PRSS23: variants seen among roughly 807,000 people sequenced by gnomAD.
PRSS23 encodes serine protease 23.
PRSS23 carries 25 observed loss-of-function variants against 34.7 expected under a neutral mutation model. The ratio of observed to expected loss-of-function variants is 0.72; its 90% CI spans 0.53 to 1.01. PRSS23 has a LOEUF of 1.01. Ranked by LOEUF, PRSS23 falls within the 50% of genes least tolerant of loss-of-function variation. The probability of loss-of-function intolerance (pLI) is 0.00; values close to 1 mark genes in which losing one functional copy is unlikely to be tolerated. For missense variants in PRSS23, 445 were observed against 475.6 expected (o/e 0.94, Z 0.60); for synonymous variants, 176 against 186.6 (o/e 0.94, Z 0.46).
chr11:86,914,776 G>C (rs1049226714), intron 2 of PRSS23, among the ~76,000 whole-genome samples: 5 of 152,212 alleles, frequency 3.3e-5, no homozygotes, highest in Non-Finnish European at 7.3e-5. Flanking sequence ...ATCTGAGTGG[G>C]TGTCAATTAA....
chr11:86,806,384 C>T (rs904554246), intron 1 of PRSS23, among the ~76,000 whole-genome samples: 1 of 152,160 alleles, frequency 6.6e-6, no homozygotes, highest in African/African-American at 2.4e-5. Flanking sequence ...TGGAAAATTT[C>T]TAGGCAATTT....
chr11:86,791,829 C>T (rs1429989549), intron 1 of PRSS23, among the ~76,000 whole-genome samples: 1 of 152,144 alleles, frequency 6.6e-6, no homozygotes, highest in African/African-American at 2.4e-5. Flanking sequence ...CTCAGAGGGC[C>T]TATGCTGCCA....
intron 2 of PRSS23, among the ~76,000 whole-genome samples, chr11:86,852,910 G>C (rs530078608): frequency 1.3e-5 from 2 of 152,336 alleles, no homozygotes; most frequent in African/African-American, 4.8e-5. Flanking sequence ...CTGGAGTGCA[G>C]TGGCATGATC....
At chr11:86,942,814 A>T (rs1949215014) in intron 2 of PRSS23, among the ~76,000 whole-genome samples, 1 of 152,224 alleles carries the variant, frequency 6.6e-6, no homozygotes, top group South Asian at 2.1e-4. Flanking sequence ...GGTCCAACAC[A>T]TCTTCAAGAT....
At chr11:86,867,888 A>C (rs113147874) in intron 2 of PRSS23, among the ~76,000 whole-genome samples, 5 of 151,714 alleles carry the variant, frequency 3.3e-5, no homozygotes, top group African/African-American at 1.2e-4. Context: ...AAAAAAAAAA[A>C]AAATACAACA....
chr11:86,825,236 G>A (rs61906675), intron 2 of PRSS23, among the ~76,000 whole-genome samples: 6 of 151,780 alleles, frequency 4.0e-5, no homozygotes, highest in Non-Finnish European at 7.4e-5. Flanking sequence ...GCCAGTGATG[G>A]TGAGCATTTT....
intron 1 of PRSS23, among the ~76,000 whole-genome samples, chr11:86,795,126 A>C (rs1351263375): frequency 2.0e-5 from 3 of 152,182 alleles, no homozygotes; most frequent in Non-Finnish European, 4.4e-5. Context: ...ACTTTTTAGC[A>C]TGGATAATAT....
At chr11:86,853,641 T>C (rs984031975) in intron 2 of PRSS23, among the ~76,000 whole-genome samples, 44 of 152,188 alleles carry the variant, frequency 2.9e-4, no homozygotes, top group African/African-American at 1.0e-3. Flanking sequence ...CCACGAACGC[T>C]TGGGTTGCTT....
At chr11:86,817,239 G>C (rs1948220867) in intron 1 of PRSS23, among the ~76,000 whole-genome samples, 1 of 151,736 alleles carries the variant, frequency 6.6e-6, no homozygotes, top group African/African-American at 2.4e-5. Flanking sequence ...TCCTGACTCT[G>C]GAACTTCCTA....
At chr11:86,952,562 G>A in exon 3 of PRSS23, 1 of 1,396,340 alleles carries the variant, frequency 7.2e-7, no homozygotes, top group Admixed American at 1.7e-5. Context: ...AATGCTTCCA[G>A]GCAATCTAGG....
Position 86,862,205 on chromosome 11 carries a change from C to T in PRSS23, c.206+38612C>T, listed in dbSNP as rs565076368. 6.6e-5 allele frequency among the ~76,000 whole-genome samples: 10 copies of T among 151,936 alleles called. No homozygotes were observed. The South Asian group carries it at 1.7e-3, about 25-fold the overall frequency. ...ACTGGAATATTAGAAGTAATATCCT[C>T]GGGAGATATTACTCCTAATTTCACA... On this transcript the variant is annotated intron_variant, in intron 2 of 2. Coordinates refer to the PRSS23 transcript ENST00000533902.
chr11:86,834,784 G>C (rs542005486), intron 2 of PRSS23, among the ~76,000 whole-genome samples: 6 of 152,120 alleles, frequency 3.9e-5, no homozygotes, highest in Non-Finnish European at 8.8e-5. Context: ...CATAGAGTCT[G>C]TATATATATT....
chr11:86,834,892 A>G (rs1339776560), intron 2 of PRSS23, among the ~76,000 whole-genome samples: 1 of 152,202 alleles, frequency 6.6e-6, no homozygotes, highest in Non-Finnish European at 1.5e-5. Context: ...ACTTTCAAGT[A>G]TTCCATTATC....
intron 2 of PRSS23, among the ~76,000 whole-genome samples, chr11:86,875,737 C>G (rs1948719208): frequency 6.6e-6 from 1 of 152,208 alleles, no homozygotes; most frequent in African/African-American, 2.4e-5. Flanking sequence ...CAATTATTCT[C>G]TGTCATTTGG....
At chr11:86,792,092 T>C (rs1225556998) in intron 1 of PRSS23, among the ~76,000 whole-genome samples, 1 of 152,156 alleles carries the variant, frequency 6.6e-6, no homozygotes, top group Non-Finnish European at 1.5e-5. Context: ...TGTCTGCCTC[T>C]CTCCCATGAG....
intron 2 of PRSS23, among the ~76,000 whole-genome samples, chr11:86,939,419 TA>T (rs1949189383): frequency 2.2e-5 from 2 of 91,370 alleles, no homozygotes; most frequent in Admixed American, 2.4e-4. Context: ...TATATATATA[TA>T]TATATATTTT....
At chr11:86,872,245 T>A (rs965683071) in intron 2 of PRSS23, among the ~76,000 whole-genome samples, 2 of 152,228 alleles carry the variant, frequency 1.3e-5, no homozygotes, top group East Asian at 1.9e-4. Flanking sequence ...TGTAAGTTTT[T>A]AAATAATGTT....
At chr11:86,834,506 T>TTTTCC (rs1225362851) in intron 2 of PRSS23, among the ~76,000 whole-genome samples, 1,995 of 114,640 alleles carry the variant, frequency 0.017, 145 homozygotes, top group East Asian at 0.02. Context: ...TTCCCTTCTA[T>TTTTCC]TTTCCTTTCC....
At chr11:86,844,594 C>T (rs1476726644) in intron 2 of PRSS23, among the ~76,000 whole-genome samples, 1 of 152,054 alleles carries the variant, frequency 6.6e-6, no homozygotes, top group Non-Finnish European at 1.5e-5. Context: ...GTTTACCTGC[C>T]CCCATTTCTT....
Sources: allele counts gnomAD v4.1 joint callset (sites outside exome capture counted in the v4.1 genomes callset), GRCh38; gene constraint gnomAD v4.1.1; transcripts MANE v1.5; gene names NCBI Gene and HGNC (gene_info 2026-07-23, HGNC 2026-07-21).